The following CTNNA1 variants were observed in gnomAD, a reference collection of about 807,000 sequenced individuals.
CTNNA1 encodes catenin alpha-1.
A neutral mutation model predicts 98.4 loss-of-function variants in CTNNA1; 37 were observed. The ratio of observed to expected loss-of-function variants is 0.38; its 90% CI spans 0.29 to 0.49. The LOEUF is 0.49. CTNNA1 is among the 20% of genes least tolerant of loss of function. The pLI is 0.95. For missense variants in CTNNA1, 761 were observed against 1,147.2 expected (o/e 0.66, Z 4.86); for synonymous variants, 404 against 413.2 (o/e 0.98, Z 0.27).
chr5:138,754,549 CATT>C (rs1751412358), intron 1 of CTNNA1: 1 of 152,158 alleles, frequency 6.6e-6, no homozygotes, highest in Admixed American at 6.5e-5. Context: ...ATGCTTACAT[CATT>C]GTTGGGACAG....
chr5:138,827,139 T>A (rs1011315999), intron 6 of CTNNA1, among the ~76,000 whole-genome samples: 2 of 152,352 alleles, frequency 1.3e-5, no homozygotes, highest in South Asian at 2.1e-4. Flanking sequence ...CATGGCAGTT[T>A]TATATTCTGC....
chr5:138,832,644 T>A (rs1188843320), intron 7 of CTNNA1, among the ~76,000 whole-genome samples: 1 of 152,176 alleles, frequency 6.6e-6, no homozygotes, highest in African/African-American at 2.4e-5. Context: ...ACTATTAGCA[T>A]TTAGGGATAT....
intron 7 of CTNNA1, among the ~76,000 whole-genome samples, chr5:138,831,240 A>C (rs936303247): frequency 6.6e-6 from 1 of 152,164 alleles, no homozygotes; most frequent in African/African-American, 2.4e-5. Flanking sequence ...TGAGGCAGTG[A>C]TTCTTAACTT....
chr5:138,778,248 C>A (rs1372313355), intron 1 of CTNNA1, among the ~76,000 whole-genome samples: 3 of 152,084 alleles, frequency 2.0e-5, no homozygotes, highest in African/African-American at 7.2e-5. Context: ...CCCGCCTTGG[C>A]CTCCCAAAGT....
intron 7 of CTNNA1, among the ~76,000 whole-genome samples, chr5:138,847,767 T>C (rs1762857841): frequency 6.6e-6 from 1 of 152,182 alleles, no homozygotes; most frequent in Non-Finnish European, 1.5e-5. Context: ...AAGTAAACTT[T>C]TGATGCATTA....
Position 138,902,760 on chromosome 5 carries a change from A to G in CTNNA1, c.1297-1589A>G, listed in dbSNP as rs1161183837. On this transcript the variant is annotated intron_variant, in intron 9 of 17. Coordinates refer to ENST00000302763, the MANE Select transcript of CTNNA1 (RefSeq NM_001903.5). ...TAGTCACAAAATGCTAATTTTTTCAATGATCATCATCAGATTTTATGTTTG... is the reference window on the plus strand; with the variant it reads ...TAGTCACAAAATGCTAATTTTTTCAGTGATCATCATCAGATTTTATGTTTG... Among the ~76,000 whole-genome samples the G allele has an allele frequency of 2.6e-5, 4 of 152,212 alleles. No individual in the cohort carries two copies. In the East Asian group the frequency reaches 5.8e-4, roughly 22 times the overall value.
At chr5:138,881,557 T>C (rs768959829) in intron 7 of CTNNA1, among the ~76,000 whole-genome samples, 12 of 152,240 alleles carry the variant, frequency 7.9e-5, no homozygotes, top group Non-Finnish European at 1.5e-4. Flanking sequence ...ATAATTCTCT[T>C]TAAAGTTCTC....
Position 138,915,104 on chromosome 5 carries a change from G to A in CTNNA1, c.1390-2638G>A, listed in dbSNP as rs111374313. ...GGAGGTTGCAGTGAGCTGACATTGC[G>A]CCACTGCACTCCAGCCTGGGCAACA... is the stretch of plus-strand genomic sequence containing the variant. On this transcript the variant is annotated intron_variant, in intron 10 of 17. Transcript: ENST00000302763. 8.3e-3 allele frequency among the ~76,000 whole-genome samples: 1,263 copies of A among 152,026 alleles called. 23 individuals carry two copies. Among genetic ancestry groups the A allele is most frequent in the African/African-American group, 0.024 (986 of 41,436 alleles).
At chr5:138,860,078 TGA>T (rs1240795484) in intron 7 of CTNNA1, among the ~76,000 whole-genome samples, 1 of 152,142 alleles carries the variant, frequency 6.6e-6, no homozygotes, top group Non-Finnish European at 1.5e-5. Flanking sequence ...ATTTGAAAGG[TGA>T]GATCTTAAAA....
intron 7 of CTNNA1, among the ~76,000 whole-genome samples, chr5:138,841,167 T>C (rs1046382881): frequency 6.6e-6 from 1 of 152,256 alleles, no homozygotes; most frequent in African/African-American, 2.4e-5. Flanking sequence ...GTTGAATCTT[T>C]GTTCATATCT....
chr5:138,846,362 A>G (rs1160780904), intron 7 of CTNNA1, among the ~76,000 whole-genome samples: 2 of 152,236 alleles, frequency 1.3e-5, no homozygotes, highest in South Asian at 2.1e-4. Context: ...TACACTATCA[A>G]TGGGTGAATT....
At chr5:138,879,452 T>A (rs1752413089) in intron 7 of CTNNA1, among the ~76,000 whole-genome samples, 1 of 152,064 alleles carries the variant, frequency 6.6e-6, no homozygotes, top group Non-Finnish European at 1.5e-5. Flanking sequence ...GTTGATTTTA[T>A]TTTGTTGTTG....
At chr5:138,783,069 G>A (rs1438562574) in intron 2 of CTNNA1, 108 bp from the exon 3 acceptor site, 9 of 805,946 alleles carry the variant, frequency 1.1e-5, no homozygotes, top group Non-Finnish European at 1.7e-5. Flanking sequence ...AATGTTCAGT[G>A]GAATCTCATG....
intron 16 of CTNNA1, 51 bp from the exon 17 acceptor site, chr5:138,932,527 G>T: frequency 6.2e-6 from 10 of 1,603,472 alleles, no homozygotes; most frequent in Non-Finnish European, 8.5e-6. Flanking sequence ...TGGGGTCGGG[G>T]GTGCTTGGGC....
intron 7 of CTNNA1, chr5:138,869,481 A>G (rs1765138233): frequency 6.6e-6 from 1 of 152,080 alleles, no homozygotes; most frequent in Non-Finnish European, 1.5e-5. Context: ...CTGTATTAGG[A>G]AAACGATCAT....
chr5:138,754,233 T>TG (rs961616773), intron 1 of CTNNA1: 5 of 149,590 alleles, frequency 3.3e-5, no homozygotes, highest in Non-Finnish European at 6.0e-5. Flanking sequence ...TTAGAGAGGT[T>TG]TTTTTTTTTT....
rs748932188 is a variant in CTNNA1 at position 138,819,962 on chromosome 5, G to A, written c.589-4568G>A. Reference sequence around the variant, plus strand: ...CCTTTGCTCTCTTCCTCCTGCTCTCGCCATGTAAGATATGATTCCTTTCTC... The same window carrying A: ...CCTTTGCTCTCTTCCTCCTGCTCTCACCATGTAAGATATGATTCCTTTCTC... On this transcript the variant is annotated intron_variant, in intron 5 of 17. Coordinates refer to ENST00000302763, the MANE Select transcript of CTNNA1 (RefSeq NM_001903.5). 1.8e-4 allele frequency among the ~76,000 whole-genome samples: 28 copies of A among 151,780 alleles called. No homozygotes were observed. In the South Asian group the frequency reaches 5.2e-3, roughly 28 times the overall value.
chr5:138,904,749 G>A, intron 10 of CTNNA1: 1 of 245,962 alleles, frequency 4.1e-6, no homozygotes, highest in African/African-American at 2.2e-5. Flanking sequence ...TTGAGCCCAG[G>A]AATCTGAGAC....
At chr5:138,797,985 A>C (rs1452108221) in intron 3 of CTNNA1, among the ~76,000 whole-genome samples, 1 of 152,194 alleles carries the variant, frequency 6.6e-6, no homozygotes, top group Non-Finnish European at 1.5e-5. Context: ...TACTTTCTGC[A>C]CTATAGACAG....
Sources: gnomAD v4.1 joint callset for allele counts (sites outside exome capture counted in the v4.1 genomes callset) on GRCh38, gnomAD v4.1.1 for gene constraint, MANE v1.5 for transcripts, NCBI Gene and HGNC (gene_info 2026-07-23, HGNC 2026-07-21) for gene names.